CCDC102B: variants seen among roughly 807,000 people sequenced by gnomAD.
CCDC102B encodes the protein coiled-coil domain containing 102B, also known as coiled-coil domain-containing protein 102B.
In CCDC102B, 75 loss-of-function variants were observed where a neutral mutation model predicts 57.4. The ratio of observed to expected loss-of-function variants is 1.31; its 90% CI spans 1.08 to 1.58. The LOEUF (loss-of-function observed/expected upper bound fraction) is 1.58. Ranked by LOEUF, CCDC102B falls within the 40% of genes most tolerant of loss-of-function variation. The probability of loss-of-function intolerance (pLI) is 0.00; values close to 1 mark genes in which losing one functional copy is unlikely to be tolerated. For synonymous variants in CCDC102B, 206 were observed against 201.9 expected (o/e 1.02, Z -0.17); for missense variants, 636 against 582.6 (o/e 1.09, Z -0.94).
chr18:69,013,984 T>C (rs548647295), intron 7 of CCDC102B, among the ~76,000 whole-genome samples: 11 of 152,336 alleles, frequency 7.2e-5, no homozygotes, highest in African/African-American at 2.2e-4. Context: ...TCCTGTAAAT[T>C]ATTTATGCTG....
At chr18:68,790,244 T>A (rs374045962) in intron 2 of CCDC102B, among the ~76,000 whole-genome samples, 157 of 149,374 alleles carry the variant, frequency 1.1e-3, no homozygotes, top group Middle Eastern at 6.8e-3. Flanking sequence ...GCTGTCAGAC[T>A]GGGACATTTA....
At chr18:68,754,195 T>G (rs996562158) in intron 2 of CCDC102B, 8 of 152,164 alleles carry the variant, frequency 5.3e-5, no homozygotes, top group Non-Finnish European at 8.8e-5. Context: ...GCAAGACTTT[T>G]GGCAAAATGA....
chr18:68,823,006 C>T lies in CCDC102B; in HGVS notation c.-15-13743C>T, dbSNP rs1026522394. Among the ~76,000 whole-genome samples the T allele has an allele frequency of 3.3e-5, 5 of 152,120 alleles. 1 individual carries two copies. The South Asian group carries it at 1.0e-3, about 31-fold the overall frequency. On this transcript the variant is annotated intron_variant, in intron 1 of 7. Coordinates refer to ENST00000360242, the MANE Select transcript of CCDC102B (RefSeq NM_024781.3). ...CCCGCCCCCACACTCCCCTGTAGCACAAATGGGAAGTACCTCTGATTGGTC... is the reference window on the plus strand; with the variant it reads ...CCCGCCCCCACACTCCCCTGTAGCATAAATGGGAAGTACCTCTGATTGGTC...
At chr18:68,874,282 A>C (rs1300498683) in intron 4 of CCDC102B, among the ~76,000 whole-genome samples, 3 of 151,750 alleles carry the variant, frequency 2.0e-5, no homozygotes, top group Admixed American at 1.3e-4. Flanking sequence ...TTAATGCTTT[A>C]TAGAAAATAG....
chr18:68,916,434 T>C (rs1255081813), intron 6 of CCDC102B, among the ~76,000 whole-genome samples: 1 of 152,228 alleles, frequency 6.6e-6, no homozygotes, highest in Non-Finnish European at 1.5e-5. Context: ...CTGCTAGCTC[T>C]GTATCTCCTT....
intron 2 of CCDC102B, among the ~76,000 whole-genome samples, chr18:68,748,205 G>GGTTTGTGTGT (rs530957083): frequency 1.5e-5 from 2 of 137,598 alleles, no homozygotes; most frequent in South Asian, 2.6e-4. Flanking sequence ...TTATTAAACT[G>GGTTTGTGTGT]GTGTGTGTGT....
intron 4 of CCDC102B, among the ~76,000 whole-genome samples, chr18:68,864,293 C>CCTATATTTTCTATA: frequency 6.6e-6 from 1 of 151,708 alleles, no homozygotes; most frequent in Admixed American, 6.6e-5. Context: ...ATTTTCTATT[C>CCTATATTTTCTATA]TTTCAATATA....
chr18:69,020,360 A>AT (rs1483812990), intron 7 of CCDC102B, among the ~76,000 whole-genome samples: 1 of 152,166 alleles, frequency 6.6e-6, no homozygotes, highest in Non-Finnish European at 1.5e-5. Context: ...ACTAAGATTT[A>AT]TTGAGCTAGG....
At chr18:68,783,623 C>T (rs986471165) in intron 2 of CCDC102B, among the ~76,000 whole-genome samples, 1 of 152,146 alleles carries the variant, frequency 6.6e-6, no homozygotes, top group South Asian at 2.1e-4. Context: ...ACAGCCTTCT[C>T]TTTCAGATAT....
At chr18:68,924,238 T>C (rs949422468) in intron 6 of CCDC102B, among the ~76,000 whole-genome samples, 8 of 151,940 alleles carry the variant, frequency 5.3e-5, no homozygotes, top group African/African-American at 1.7e-4. Context: ...TCATCTTAAA[T>C]TGTAATCCCC....
At chr18:68,923,881 G>T (rs777902110) in intron 6 of CCDC102B, among the ~76,000 whole-genome samples, 4 of 152,034 alleles carry the variant, frequency 2.6e-5, no homozygotes, top group Non-Finnish European at 4.4e-5. Context: ...TATGGGAAAT[G>T]GTTTTAAATT....
intron 6 of CCDC102B, among the ~76,000 whole-genome samples, chr18:68,937,188 C>G (rs1375676700): frequency 2.0e-5 from 3 of 152,020 alleles, no homozygotes; most frequent in Non-Finnish European, 4.4e-5. Flanking sequence ...CTCCCTAAGG[C>G]ACATCACAGC....
intron 5 of CCDC102B, among the ~76,000 whole-genome samples, chr18:68,883,625 A>G (rs2039771659): frequency 6.6e-6 from 1 of 152,194 alleles, no homozygotes; most frequent in Non-Finnish European, 1.5e-5. Flanking sequence ...ATTGAGACAG[A>G]AGAACTCTAA....
At chr18:68,982,923 T>G (rs1479122488) in intron 6 of CCDC102B, among the ~76,000 whole-genome samples, 2 of 151,926 alleles carry the variant, frequency 1.3e-5, no homozygotes, top group Non-Finnish European at 2.9e-5. Flanking sequence ...CTTACAAAAT[T>G]GTACATCACT....
At chr18:68,823,478 A>G (rs577293428) in intron 1 of CCDC102B, 51 of 152,238 alleles carry the variant, frequency 3.4e-4, no homozygotes, top group African/African-American at 1.2e-3. Context: ...GGTTGATTCC[A>G]TGTCTTTGCT....
At chr18:69,005,367 A>G (rs780610469) in intron 6 of CCDC102B, among the ~76,000 whole-genome samples, 1 of 152,184 alleles carries the variant, frequency 6.6e-6, no homozygotes, top group Non-Finnish European at 1.5e-5. Flanking sequence ...TACATATACT[A>G]CAGATCAGTA....
At position 68,742,969 on chromosome 18, in the gene CCDC102B, T is replaced by C. The variant is rs1043565038; in HGVS notation, c.-67+26375T>C. 3.9e-5 allele frequency among the ~76,000 whole-genome samples: 6 copies of C among 152,294 alleles called. No individual in the cohort carries two copies. The Middle Eastern group carries it at 0.01, about 259-fold the overall frequency. On this transcript the variant is annotated intron_variant, in intron 2 of 3. Coordinates refer to the CCDC102B transcript ENST00000578970. ...AAGATAATGGTAATGGAATTTATAA[T>C]GTTCTGTTTAAATTCTGACCCTTAG...
chr18:68,979,829 A>G (rs957155878), intron 6 of CCDC102B, among the ~76,000 whole-genome samples: 1 of 151,976 alleles, frequency 6.6e-6, no homozygotes, highest in Non-Finnish European at 1.5e-5. Context: ...TTCATTTATG[A>G]TAGTGGCTAA....
At chr18:68,804,396 A>G (rs1217275237) in intron 1 of CCDC102B, among the ~76,000 whole-genome samples, 1 of 152,202 alleles carries the variant, frequency 6.6e-6, no homozygotes, top group African/African-American at 2.4e-5. Flanking sequence ...GAGATAAAGG[A>G]ACATCTCAGG....
Sources: gnomAD v4.1 joint callset for allele counts (sites outside exome capture counted in the v4.1 genomes callset) on GRCh38, gnomAD v4.1.1 for gene constraint, MANE v1.5 for transcripts, NCBI Gene and HGNC (gene_info 2026-07-23, HGNC 2026-07-21) for gene names.